ADGRL3: variants seen among roughly 807,000 people sequenced by gnomAD.
ADGRL3 encodes adhesion G protein-coupled receptor L3, also known as calcium-independent alpha-latrotoxin receptor 3.
ADGRL3 carries 62 observed loss-of-function variants against 153.5 expected under a neutral mutation model. The ratio of observed to expected loss-of-function variants is 0.40; its 90% CI spans 0.33 to 0.50. The LOEUF (loss-of-function observed/expected upper bound fraction) is 0.50, where lower values mean the gene tolerates loss of function less well. Among genes scored for constraint, ADGRL3 ranks in the 20% least tolerant of loss-of-function variants. The pLI is 0.47. For missense variants in ADGRL3, 1,641 were observed against 1,859.4 expected (o/e 0.88, Z 2.16); for synonymous variants, 710 against 672.5 (o/e 1.06, Z -0.86).
chr4:61,532,557 T>C lies in ADGRL3; in HGVS notation c.259+15039T>C, dbSNP rs866335780. Among the ~76,000 whole-genome samples, 8 of 146,482 alleles carry C rather than the reference T, an allele frequency of 5.5e-5. No individual in the cohort carries two copies. In the South Asian group the frequency reaches 1.1e-3, roughly 20 times the overall value. The stretch of plus-strand genomic sequence containing the variant: ...GCGCGCGCGCGCGCGCGCGCGCGCG[T>C]GTGTGTGTGTGTGTGTGTTTAAGGA... On this transcript the variant is annotated intron_variant, in intron 4 of 26. Coordinates refer to ENST00000683033, the MANE Select transcript of ADGRL3 (RefSeq NM_001387552.1).
chr4:61,939,043 A>G (rs994119758), intron 15 of ADGRL3, among the ~76,000 whole-genome samples: 1 of 152,054 alleles, frequency 6.6e-6, no homozygotes, highest in African/African-American at 2.4e-5. Context: ...AGTAAAGGAA[A>G]TAATACAATT....
rs1757580141 is a variant in ADGRL3 at position 61,247,561 on chromosome 4, T to TTGA, written c.-240+45796_-240+45797insTGA. ...TTGCCACAATTCAAAGTTGCCCATCTCTCCTCACCCCGAATGGTAATTAGA... is the reference window on the plus strand; with the variant it reads ...TTGCCACAATTCAAAGTTGCCCATCTTGACTCCTCACCCCGAATGGTAATTAGA... On this transcript the variant is annotated intron_variant, in intron 1 of 26. Coordinates refer to ENST00000683033, the MANE Select transcript of ADGRL3 (RefSeq NM_001387552.1). Among the ~76,000 whole-genome samples, 4 of 152,062 alleles carry TTGA rather than the reference T, an allele frequency of 2.6e-5. No homozygotes were observed. In the East Asian group the frequency reaches 7.8e-4, roughly 29 times the overall value.
At chr4:61,705,803 C>T (rs903809117) in intron 6 of ADGRL3, among the ~76,000 whole-genome samples, 2 of 152,072 alleles carry the variant, frequency 1.3e-5, no homozygotes, top group Non-Finnish European at 2.9e-5. Flanking sequence ...TGCGCCCAGT[C>T]GAGTGGTAAT....
intron 2 of ADGRL3, chr4:61,425,508 A>G (rs1560610515): frequency 2.0e-5 from 3 of 152,256 alleles, no homozygotes; most frequent in Admixed American, 6.5e-5. Context: ...CAGCATGTCA[A>G]TCTATGGTCG....
chr4:61,237,174 T>A (rs1219209698), intron 1 of ADGRL3, among the ~76,000 whole-genome samples: 1 of 152,208 alleles, frequency 6.6e-6, no homozygotes, highest in East Asian at 1.9e-4. Context: ...CTGAAAATGC[T>A]AGGAATCTTC....
rs1412009191 is a variant in ADGRL3, at chr4:61,945,711, G to A, written c.2420-1203G>A. ...GTGACCCGATTTTCCAGGTGCGTCCGTCACCCCTTTCTTTGACTCTGAAAG... is the reference window on the plus strand; with the variant it reads ...GTGACCCGATTTTCCAGGTGCGTCCATCACCCCTTTCTTTGACTCTGAAAG... On this transcript the variant is annotated intron_variant, in intron 15 of 26. Coordinates refer to ENST00000683033, the MANE Select transcript of ADGRL3 (RefSeq NM_001387552.1). Among the ~76,000 whole-genome samples the A allele has an allele frequency of 2.6e-3, 399 of 150,854 alleles. 3 individuals are homozygous for A. The highest frequency in any genetic ancestry group is 3.2e-3 in the South Asian group (15 of 4,714).
At chr4:61,620,696 A>G (rs1181450215) in intron 5 of ADGRL3, among the ~76,000 whole-genome samples, 1 of 126,134 alleles carries the variant, frequency 7.9e-6, no homozygotes, top group East Asian at 2.4e-4. Flanking sequence ...GCTGGAGTGC[A>G]GTGGTGCGAT....
chr4:62,068,343 G>A (rs1744084570), intron 26 of ADGRL3, 160 bp downstream of exon 26: 4 of 439,090 alleles, frequency 9.1e-6, no homozygotes. Context: ...TGTTAATAGA[G>A]ATTAGACGCT....
At position 61,823,776 on chromosome 4, in the gene ADGRL3, C is replaced by T. The variant is rs201740720; in HGVS notation, c.1480+9887C>T. Among the ~76,000 whole-genome samples the T allele has an allele frequency of 2.6e-5, 4 of 152,186 alleles. No individual in the cohort carries two copies. The East Asian group carries it at 7.7e-4, about 29-fold the overall frequency. On this transcript the variant is annotated intron_variant, in intron 9 of 26. Transcript: ENST00000683033. ...GTCCTATACACTGTACTAAGTAATC[C>T]ATAGGCTGGGCATGGTGGCTAACGC...
intron 6 of ADGRL3, among the ~76,000 whole-genome samples, chr4:61,712,916 C>T (rs1264095352): frequency 6.6e-6 from 1 of 152,094 alleles, no homozygotes; most frequent in Admixed American, 6.5e-5. Context: ...TCCCTGTTGA[C>T]AAAAATGACT....
chr4:61,736,866 T>A (rs2096524622), intron 8 of ADGRL3, among the ~76,000 whole-genome samples: 1 of 152,164 alleles, frequency 6.6e-6, no homozygotes, highest in South Asian at 2.1e-4. Context: ...AACTATCAAT[T>A]TTCATGCATG....
In ADGRL3 at chr4:61,948,120, C is replaced by T. The variant is rs747899520; in HGVS notation, c.2649C>T (p.Asn883=). 15 of 1,612,358 alleles carry T rather than the reference C, an allele frequency of 9.3e-6. No individual in the cohort carries two copies. The Admixed American group carries it at 1.5e-4, about 16-fold the overall frequency. ...TGTAGCAGTCAGAGGAAAATTTCAA[C>T]CCTAACTGTTCATTTTGGAGCTACT... is the stretch of plus-strand genomic sequence containing the variant. ...KHIKQSEENF[N]PNCSFWSYSK... The change falls in exon 17 of 27, where the codon AAC becomes AAT. Residue 883 remains asparagine, a synonymous_variant. Coordinates refer to ENST00000683033, the MANE Select transcript of ADGRL3 (RefSeq NM_001387552.1).
chr4:61,830,995 C>T (rs1052448673), intron 9 of ADGRL3, among the ~76,000 whole-genome samples: 4 of 152,006 alleles, frequency 2.6e-5, no homozygotes, highest in Non-Finnish European at 5.9e-5. Context: ...TTCAAGCAAT[C>T]CTCGTGCCTC....
intron 5 of ADGRL3, among the ~76,000 whole-genome samples, chr4:61,654,316 A>G (rs532472725): frequency 3.9e-5 from 6 of 152,090 alleles, no homozygotes; most frequent in Non-Finnish European, 8.8e-5. Flanking sequence ...TAAAAATTTT[A>G]CAAAACTCTA....
intron 23 of ADGRL3, among the ~76,000 whole-genome samples, chr4:62,036,899 G>C (rs895070647): frequency 6.6e-6 from 1 of 151,858 alleles, no homozygotes; most frequent in African/African-American, 2.4e-5. Flanking sequence ...CAATTAAATA[G>C]GCGGTAATAA....
intron 6 of ADGRL3, among the ~76,000 whole-genome samples, chr4:61,702,877 A>G (rs1160135253): frequency 6.6e-6 from 1 of 151,812 alleles, no homozygotes; most frequent in African/African-American, 2.4e-5. Context: ...TTGAAGCTTC[A>G]CTCCTGTATT....
At position 61,726,199 on chromosome 4, in the gene ADGRL3, C is replaced by CTTTTTTTTTTTTTTTTTTTTTTTTTT. The variant is rs1012113549; in HGVS notation, c.584-4413_584-4412insTTTTTTTTTTTTTTTTTTTTTTTTTT. On this transcript the variant is annotated intron_variant, in intron 6 of 26. Coordinates refer to ENST00000683033, the MANE Select transcript of ADGRL3 (RefSeq NM_001387552.1). ...TGCTCAAGGGAAATACTCACTGGAA[C>CTTTTTTTTTTTTTTTTTTTTTTTTTT]TTTTTTTTTTGTTTTTTGAGAAGGA... Among the ~76,000 whole-genome samples the CTTTTTTTTTTTTTTTTTTTTTTTTTT allele has an allele frequency of 7.2e-5, 6 of 82,992 alleles. 1 individual carries two copies. Among genetic ancestry groups the CTTTTTTTTTTTTTTTTTTTTTTTTTT allele is most frequent in the African/African-American group, 1.8e-4 (4 of 22,216 alleles). 54.4% of individuals were successfully genotyped at this position (82,992 alleles called of 152,430 possible). A position where few individuals can be genotyped will look rare whatever the true frequency, so the allele number is the denominator to read the frequency against.
At chr4:61,248,378 C>A (rs1005838253) in intron 1 of ADGRL3, among the ~76,000 whole-genome samples, 1 of 152,084 alleles carries the variant, frequency 6.6e-6, no homozygotes, top group African/African-American at 2.4e-5. Flanking sequence ...ACTTACTAAG[C>A]AACTCATCAG....
intron 8 of ADGRL3, among the ~76,000 whole-genome samples, chr4:61,738,168 T>C (rs1050405665): frequency 2.0e-5 from 3 of 152,142 alleles, no homozygotes; most frequent in African/African-American, 7.2e-5. Flanking sequence ...TGTGAGAACA[T>C]ACGATGTTTT....
Sources: allele counts gnomAD v4.1 joint callset (sites outside exome capture counted in the v4.1 genomes callset), GRCh38; gene constraint gnomAD v4.1.1; transcripts MANE v1.5; gene names NCBI Gene and HGNC (gene_info 2026-07-23, HGNC 2026-07-21).